USP13: variants seen among roughly 807,000 people sequenced by gnomAD.
The protein encoded by USP13 is ubiquitin specific peptidase 13, also known as ubiquitin carboxyl-terminal hydrolase 13.
In USP13, 68 loss-of-function variants were observed where a neutral mutation model predicts 107.8. The observed-to-expected ratio is 0.63, with a 90% CI of 0.52 to 0.77. The LOEUF is 0.77. USP13 is among the 30% of genes least tolerant of loss of function. The pLI, the probability that USP13 is intolerant of heterozygous loss-of-function variation, is 0.00. For synonymous variants in USP13, 377 were observed against 389.5 expected, an observed-to-expected ratio of 0.97 and a Z score of 0.38; for missense variants, 945 against 1,093.3, an observed-to-expected ratio of 0.86 and a Z score of 1.91.
chr3:179,665,347 A>G (rs989505996), intron 1 of USP13, among the ~76,000 whole-genome samples: 2 of 152,214 alleles, frequency 1.3e-5, no homozygotes, highest in African/African-American at 2.4e-5. Flanking sequence ...TCAAGTGTCT[A>G]TTATGAGTCA....
intron 16 of USP13, among the ~76,000 whole-genome samples, chr3:179,757,916 G>A (rs998722291): frequency 6.6e-6 from 1 of 152,184 alleles, no homozygotes; most frequent in Admixed American, 6.5e-5. Flanking sequence ...GGGACATACT[G>A]TTCCCACTGC....
intron 1 of USP13, among the ~76,000 whole-genome samples, chr3:179,674,479 A>C (rs1720836796): frequency 6.6e-6 from 1 of 152,212 alleles, no homozygotes; most frequent in African/African-American, 2.4e-5. Context: ...ATTACACACA[A>C]TTCATAACTT....
intron 1 of USP13, among the ~76,000 whole-genome samples, chr3:179,673,361 G>T (rs1720801500): frequency 6.7e-6 from 1 of 150,344 alleles, no homozygotes; most frequent in East Asian, 2.0e-4. Flanking sequence ...AGCAGGTACT[G>T]TTTTTGGGAT....
At chr3:179,711,344 G>A (rs1304678529) in intron 6 of USP13, among the ~76,000 whole-genome samples, 1 of 151,990 alleles carries the variant, frequency 6.6e-6, no homozygotes, top group African/African-American at 2.4e-5. Context: ...TCAGCCTCCT[G>A]AGTAGCTGGG....
chr3:179,734,717 C>T (rs1262942295), intron 10 of USP13, among the ~76,000 whole-genome samples: 1 of 152,100 alleles, frequency 6.6e-6, no homozygotes. Flanking sequence ...GGGTTTGGGC[C>T]TGGGTTAAAC....
chr3:179,654,624 G>A (rs577695061), intron 1 of USP13, among the ~76,000 whole-genome samples: 8 of 152,234 alleles, frequency 5.3e-5, no homozygotes, highest in African/African-American at 1.7e-4. Context: ...TATGTCACCC[G>A]GCAGATCTCA....
At chr3:179,764,694 T>C (rs1024852) in intron 18 of USP13, among the ~76,000 whole-genome samples, 58,346 of 152,022 alleles carry the variant, frequency 0.38, 13,143 homozygotes, top group African/African-American at 0.64. Context: ...AACAAGGGAC[T>C]CTGAAACTAC....
intron 19 of USP13, among the ~76,000 whole-genome samples, chr3:179,768,861 A>G (rs552105251): frequency 1.2e-4 from 19 of 152,242 alleles, no homozygotes; most frequent in Admixed American, 2.6e-4. Context: ...GTACTTTACT[A>G]TATTAGCACA....
At chr3:179,713,085 T>C (rs1712986714) in intron 6 of USP13, among the ~76,000 whole-genome samples, 1 of 152,212 alleles carries the variant, frequency 6.6e-6, no homozygotes, top group Non-Finnish European at 1.5e-5. Context: ...GTTGTTACTG[T>C]TTTTGTGAAG....
Position 179,721,538 on chromosome 3 carries a change from A to G in USP13, c.1037A>G (p.Tyr346Cys), listed in dbSNP as rs1713318501. The G allele has an allele frequency of 1.9e-6, 3 of 1,614,100 alleles. No homozygotes were observed. Among genetic ancestry groups the G allele is most frequent in the East Asian group, 4.5e-5 (2 of 44,888 alleles). The change falls in exon 8 of 21, where the codon TAT (tyrosine) becomes TGT (cysteine). Residue 346 changes from tyrosine (Y) to cysteine (C), a missense_variant. Transcript: ENST00000263966. This position sits in a 1 kb window ranked among gnomAD's most constrained non-coding sequence, Gnocchi z 4.3. ...CTGAAGAACCTGGGCAACAGCTGCT[A>G]TCTCAGCTCTGTCATGCAGGCCATC... ...TGLKNLGNSC[Y>C]LSSVMQAIFS...
intron 3 of USP13, among the ~76,000 whole-genome samples, chr3:179,692,869 T>G (rs1485566456): frequency 1.3e-5 from 2 of 152,198 alleles, no homozygotes; most frequent in Non-Finnish European, 2.9e-5. Context: ...ACTGAGGTTT[T>G]GTGCTTCAAA....
At chr3:179,719,438 T>G (rs750732594) in intron 6 of USP13, among the ~76,000 whole-genome samples, 12 of 152,114 alleles carry the variant, frequency 7.9e-5, no homozygotes, top group Non-Finnish European at 1.3e-4. Context: ...GTGGTAGGTT[T>G]GAGAATACAG....
Position 179,774,711 on chromosome 3 carries a change from C to T in USP13, c.2414-7028C>T, listed in dbSNP as rs567556028. Reference sequence around the variant, plus strand: ...AAACCTTCCACAGTTTGGAAGGGGACCCAAGCAGGTTGCCACTGCTGGCTC... The same window carrying T: ...AAACCTTCCACAGTTTGGAAGGGGATCCAAGCAGGTTGCCACTGCTGGCTC... On this transcript the variant is annotated intron_variant, in intron 19 of 20. Transcript: ENST00000263966. Among the ~76,000 whole-genome samples the T allele has an allele frequency of 2.7e-3, 405 of 152,306 alleles. 3 individuals are homozygous for T. The highest frequency in any genetic ancestry group is 0.011 in the South Asian group (53 of 4,818).
At position 179,708,774 on chromosome 3, in the gene USP13, G is replaced by A. The variant is rs750082784; in HGVS notation, c.622G>A (p.Gly208Ser). The change falls in exon 6 of 21, where the codon GGT (glycine) becomes AGT (serine). Residue 208 changes from glycine (G) to serine (S), a missense_variant and splice_region_variant. Transcript: ENST00000263966. ...GACTACTCTCCAATGGCTTTCCAGT[G>A]GTTGGAAGTGTGCCAGATGCGACCT... is the stretch of plus-strand genomic sequence containing the variant. ...LDNGVRIPPS[G>S]WKCARCDLRE... The A allele has an allele frequency of 1.9e-6, 3 of 1,614,178 alleles. No individual in the cohort carries two copies.
intron 12 of USP13, among the ~76,000 whole-genome samples, chr3:179,743,956 AAAG>A (rs1714303081): frequency 6.7e-6 from 1 of 150,178 alleles, no homozygotes; most frequent in African/African-American, 2.5e-5. Flanking sequence ...GAGTAATACA[AAAG>A]AAATGACCAG....
chr3:179,730,726 T>C lies in USP13; in HGVS notation c.1254+17T>C. 1 of 1,610,310 alleles carries C rather than the reference T, an allele frequency of 6.2e-7. No homozygotes were observed. The highest frequency in any genetic ancestry group is 1.1e-5 in the South Asian group (1 of 90,680). The stretch of plus-strand genomic sequence containing the variant: ...GAGCACAAGGTATGTGTCCGAGCGT[T>C]TGCCATGTTGACATGTAGGTAGGGA... On this transcript the variant is annotated intron_variant, in intron 10 of 20. Coordinates refer to ENST00000263966, the MANE Select transcript of USP13 (RefSeq NM_003940.3).
intron 20 of USP13, among the ~76,000 whole-genome samples, chr3:179,783,047 G>T (rs1378273715): frequency 2.0e-5 from 3 of 152,050 alleles, no homozygotes; most frequent in Non-Finnish European, 4.4e-5. Flanking sequence ...ACCCGGCTGG[G>T]ACTTAATCTT....
rs1210082272 is a variant in USP13 at position 179,653,606 on chromosome 3, C to T, written c.168+213C>T. On this transcript the variant is annotated intron_variant, in intron 1 of 20. Coordinates refer to ENST00000263966, the MANE Select transcript of USP13 (RefSeq NM_003940.3). This position sits in a 1 kb window ranked among gnomAD's most constrained non-coding sequence, Gnocchi z 4.0. ...CGTGCTGGTGGTTTTGCTCCGCCAG[C>T]CTCCCCAGGCTGGAAGGGCCCGATT... 7 of 638,712 alleles carry T rather than the reference C, an allele frequency of 1.1e-5. No individual in the cohort carries two copies. The highest frequency in any genetic ancestry group is 1.5e-5 in the Non-Finnish European group (6 of 392,478). 39.6% of individuals were successfully genotyped at this position (638,712 alleles called of 1,614,324 possible).
At position 179,706,929 on chromosome 3, in the gene USP13, T is replaced by G. The variant is rs753519910; in HGVS notation, c.478-5T>G. On this transcript the variant is annotated splice_polypyrimidine_tract_variant and splice_region_variant and intron_variant, in intron 4 of 20. Transcript: ENST00000263966. ...TTATATATTACATCTGGGTTTGTCT[T>G]ATAGGTAACAATTGCTTGTGATGCA... is the stretch of plus-strand genomic sequence containing the variant. 3 of 1,612,034 alleles carry G rather than the reference T, an allele frequency of 1.9e-6. No homozygotes were observed.
Sources: allele counts gnomAD v4.1 joint callset (sites outside exome capture counted in the v4.1 genomes callset), GRCh38; gene constraint gnomAD v4.1.1; non-coding constraint Gnocchi (gnomAD v3.1); transcripts MANE v1.5; gene names NCBI Gene and HGNC (gene_info 2026-07-23, HGNC 2026-07-21).